Variants in CTSZ observed in about 807,000 individuals in gnomAD.
CTSZ encodes the protein cathepsin Z.
A neutral mutation model predicts 32.4 loss-of-function variants in CTSZ; 39 were observed. The observed-to-expected ratio is 1.20, with a 90% CI of 0.93 to 1.57. The LOEUF (loss-of-function observed/expected upper bound fraction) is 1.57, where lower values mean the gene tolerates loss of function less well. Ranked by LOEUF, CTSZ falls within the 40% of genes most tolerant of loss-of-function variation. The pLI, the probability that CTSZ is intolerant of heterozygous loss-of-function variation, is 0.00. For synonymous variants in CTSZ, 168 were observed against 170.1 expected (o/e 0.99, Z 0.10); for missense variants, 397 against 419.6 (o/e 0.95, Z 0.47).
rs2091895114 is a variant in CTSZ, at chr20:59,002,834, G to A, written c.308-1190C>T. Reference sequence around the variant, plus strand: ...AGGTTCCATCCTGTTTCCTCCCAAGGACTTGGCTCCCTCCAGCTTTCCTTC... The same window carrying A: ...AGGTTCCATCCTGTTTCCTCCCAAGAACTTGGCTCCCTCCAGCTTTCCTTC... On this transcript the variant is annotated intron_variant, in intron 2 of 5. Transcript: ENST00000217131. The surrounding 1 kb of genome is among the most constrained non-coding windows in gnomAD (Gnocchi z 4.1). 6.6e-6 allele frequency among the ~76,000 whole-genome samples: 1 copy of A among 151,986 alleles called. No homozygotes were observed.
At chr20:59,006,107 C>A (rs1007038119) in intron 2 of CTSZ, 1 of 594,276 alleles carries the variant, frequency 1.7e-6, no homozygotes, top group African/African-American at 1.9e-5. Context: ...GGATTCAGTC[C>A]TAGTCCTGCC....
rs112241376 is a variant in CTSZ, at chr20:58,996,272, A to G, written c.801+367T>C. 1.1e-4 allele frequency among the ~76,000 whole-genome samples: 17 copies of G among 152,352 alleles called. 1 individual carries two copies. The highest frequency in any genetic ancestry group is 4.1e-4 in the African/African-American group (17 of 41,582). On this transcript the variant is annotated intron_variant, in intron 5 of 5. Transcript: ENST00000217131. Reference sequence around the variant, plus strand: ...CCCAAAAACCATGATGGGAAAAAGAATGAGCTGGTTGTAAAGGAAGAGGGT... The same window carrying G: ...CCCAAAAACCATGATGGGAAAAAGAGTGAGCTGGTTGTAAAGGAAGAGGGT...
chr20:59,001,926 ACC>A (rs1275548673), intron 2 of CTSZ, among the ~76,000 whole-genome samples: 1 of 152,244 alleles, frequency 6.6e-6, no homozygotes, highest in Non-Finnish European at 1.5e-5. Flanking sequence ...CCAGGCGGTC[ACC>A]AGCATCTGGC....
At chr20:59,006,288 T>A in intron 2 of CTSZ, 34 bp downstream of exon 2, 1 of 1,561,032 alleles carries the variant, frequency 6.4e-7, no homozygotes. Context: ...CGGGATGGGC[T>A]TTCCTGGCCC....
chr20:58,996,574 C>G (rs1479519528), intron 5 of CTSZ, 65 bp downstream of exon 5: 1 of 1,541,522 alleles, frequency 6.5e-7, no homozygotes. Context: ...CAGAACCATT[C>G]AAGCGAGAGG....
Position 59,001,453 on chromosome 20 carries a change from G to T in CTSZ, c.487+12C>A, listed in dbSNP as rs2091888636. Reference sequence around the variant, plus strand: ...GCAGGAGGGTGGAGTGGGGGCACGGGCAGCAGCCTACCCTGGTCCTTGGCC... The same window carrying T: ...GCAGGAGGGTGGAGTGGGGGCACGGTCAGCAGCCTACCCTGGTCCTTGGCC... On this transcript the variant is annotated intron_variant, in intron 3 of 5. Transcript: ENST00000217131. The T allele has an allele frequency of 6.2e-7, 1 of 1,600,034 alleles. No homozygotes were observed. Among genetic ancestry groups the T allele is most frequent in the East Asian group, 2.2e-5 (1 of 44,488 alleles).
Position 58,997,757 on chromosome 20 carries a change from G to A in CTSZ, c.488-4C>T. 1 of 1,591,802 alleles carries A rather than the reference G, an allele frequency of 6.3e-7. No homozygotes were observed. The highest frequency in any genetic ancestry group is 8.5e-7 in the Non-Finnish European group (1 of 1,169,762). ...CATTGGTTAAACTTGTCACACTCTG[G>A]GGGAGAGCAAGAAAAGTCAGCATGA... On this transcript the variant is annotated splice_region_variant and splice_polypyrimidine_tract_variant and intron_variant, in intron 3 of 5. Coordinates refer to ENST00000217131, the MANE Select transcript of CTSZ (RefSeq NM_001336.4).
At chr20:58,995,899 C>G in intron 5 of CTSZ, 140 bp from the exon 6 acceptor site, 2 of 651,320 alleles carry the variant, frequency 3.1e-6, no homozygotes, top group Non-Finnish European at 5.4e-6. Context: ...CTCAGCTGCC[C>G]CTCAGCTTTC....
At chr20:58,999,797 C>T (rs1269064598) in intron 3 of CTSZ, among the ~76,000 whole-genome samples, 3 of 152,168 alleles carry the variant, frequency 2.0e-5, no homozygotes, top group Admixed American at 6.5e-5. Flanking sequence ...TGGCCGGGCA[C>T]GGTGGCTCAC....
intron 3 of CTSZ, among the ~76,000 whole-genome samples, chr20:58,999,909 A>G (rs1488788306): frequency 6.6e-6 from 1 of 152,198 alleles, no homozygotes; most frequent in Non-Finnish European, 1.5e-5. Context: ...CTCTACTAAA[A>G]ATACAAAAAA....
chr20:59,000,995 AT>A (rs1476302915), intron 3 of CTSZ, among the ~76,000 whole-genome samples: 1 of 151,734 alleles, frequency 6.6e-6, no homozygotes, highest in Admixed American at 6.6e-5. Context: ...CACCCAGCTA[AT>A]TTTTGTGCTT....
intron 3 of CTSZ, among the ~76,000 whole-genome samples, chr20:58,998,556 G>GAA (rs1568682157): frequency 8.8e-6 from 1 of 113,580 alleles, no homozygotes. Context: ...CAAAAAAAAA[G>GAA]AAAGAAAGAA....
In CTSZ at chr20:59,001,570, T is replaced by TA; in HGVS notation, c.381dup (p.Asn128Ter). On this transcript the variant is annotated frameshift_variant, in exon 3 of 6. Coordinates refer to ENST00000217131, the MANE Select transcript of CTSZ (RefSeq NM_001336.4). LOFTEE classifies it high-confidence loss of function. ...TTACCCCCTTCACAGGAGCCAGCGT[T>TA]ACCGCAGTCGATGACGTTCTGCACG... The TA allele has an allele frequency of 6.2e-7, 1 of 1,614,192 alleles. No homozygotes were observed. Among genetic ancestry groups the TA allele is most frequent in the Non-Finnish European group, 8.5e-7 (1 of 1,180,022 alleles).
rs943282713 is a variant in CTSZ, at chr20:59,007,237, C to T, written c.-109G>A. 2.9e-4 allele frequency: 152 copies of T among 524,068 alleles called. No homozygotes were observed. The highest frequency in any genetic ancestry group is 3.5e-4 in the Non-Finnish European group (127 of 361,622). The allele number at this position is 524,068 out of a possible 1,614,324, so 32.5% of individuals were successfully genotyped here. ...CCGGCCTCGGCCTCGGCCCAGCACC[C>T]GGCCGACCCCGCACTTTGGGCCCCT... On this transcript the variant is annotated 5_prime_UTR_variant, in exon 1 of 6. Coordinates refer to ENST00000217131, the MANE Select transcript of CTSZ (RefSeq NM_001336.4).
chr20:58,995,717 C>A lies in CTSZ; in HGVS notation c.844G>T (p.Asp282Tyr). ...AGGTTGTATCTGGCGCCCTTCCCATCCTTATAGGTGCTGGTCACGATCCTC... is the reference window on the plus strand; with the variant it reads ...AGGTTGTATCTGGCGCCCTTCCCATACTTATAGGTGCTGGTCACGATCCTC... ...WLRIVTSTYK[D>Y]GKGARYNLAI... Residue 282 changes from aspartate to tyrosine, a missense_variant, in exon 6 of 6, where the codon GAT becomes TAT. By Grantham distance (160) the Asp-to-Tyr change is radical. Transcript: ENST00000217131. 1 of 1,614,162 alleles carries A rather than the reference C, an allele frequency of 6.2e-7. No individual in the cohort carries two copies. Among genetic ancestry groups the A allele is most frequent in the Non-Finnish European group, 8.5e-7 (1 of 1,180,024 alleles).
intron 3 of CTSZ, among the ~76,000 whole-genome samples, 154 bp from the exon 4 acceptor site, chr20:58,997,907 C>T (rs1015149966): frequency 2.0e-5 from 3 of 152,198 alleles, no homozygotes; most frequent in African/African-American, 4.8e-5. Flanking sequence ...TGCTTAATGA[C>T]GCTCTTCTTT....
At chr20:58,997,528 C>T in intron 4 of CTSZ, 75 bp downstream of exon 4, 3 of 1,415,414 alleles carry the variant, frequency 2.1e-6, no homozygotes, top group Non-Finnish European at 2.8e-6. Context: ...CTCTCCTCAC[C>T]CGCGGGACCT....
chr20:58,998,747 G>C (rs1299584214), intron 3 of CTSZ, among the ~76,000 whole-genome samples: 1 of 152,170 alleles, frequency 6.6e-6, no homozygotes, highest in Non-Finnish European at 1.5e-5. Flanking sequence ...ACAGCTCTCG[G>C]TTTTGCAAGG....
chr20:59,003,523 T>C (rs1244240008), intron 2 of CTSZ, among the ~76,000 whole-genome samples: 4 of 152,242 alleles, frequency 2.6e-5, no homozygotes, highest in Non-Finnish European at 4.4e-5. Context: ...CATGGTGTTT[T>C]CAACTTACGA....
Sources: allele counts gnomAD v4.1 joint callset (sites outside exome capture counted in the v4.1 genomes callset), GRCh38; gene constraint gnomAD v4.1.1; non-coding constraint Gnocchi (gnomAD v3.1); transcripts MANE v1.5; gene names NCBI Gene and HGNC (gene_info 2026-07-23, HGNC 2026-07-21).